Variants in IGFALS observed in about 807,000 individuals in gnomAD.
IGFALS encodes the protein insulin-like growth factor-binding protein complex acid labile subunit.
A neutral mutation model predicts 2.6 loss-of-function variants in IGFALS; 2 were observed. That is an observed-to-expected ratio of 0.77 (90% CI 0.32 to 2.44). The LOEUF (loss-of-function observed/expected upper bound fraction) is 2.44. Among genes scored for constraint, IGFALS ranks in the 30% most tolerant of loss-of-function variants. IGFALS has a pLI of 0.11. For missense variants in IGFALS, 996 were observed against 848.7 expected, an observed-to-expected ratio of 1.17 and a Z score of -2.16; for synonymous variants, 519 against 431.9, an observed-to-expected ratio of 1.20 and a Z score of -2.50.
Position 1,791,817 on chromosome 16 carries a change from G to T in IGFALS, c.601C>A (p.Leu201Met). The T allele has an allele frequency of 6.5e-7, 1 of 1,549,002 alleles. No individual in the cohort carries two copies. Residue 201 changes from leucine (L) to methionine (M), a missense_variant, in exon 2 of 2, where the codon CTG becomes ATG. Transcript: ENST00000215539. Reference sequence around the variant, plus strand: ...AGGTAGGCCAGCCTGTTGCCCGCCAGCACCAGCTCGCGCAGGCTGCCCAGG... The same window carrying T: ...AGGTAGGCCAGCCTGTTGCCCGCCATCACCAGCTCGCGCAGGCTGCCCAGG... ...RGLGSLRELV[L>M]AGNRLAYLQP...
Position 1,791,391 on chromosome 16 carries a change from G to A in IGFALS, c.1027C>T (p.Leu343Phe). 2 of 1,610,536 alleles carry A rather than the reference G, an allele frequency of 1.2e-6. No homozygotes were observed. Among genetic ancestry groups the A allele is most frequent in the Non-Finnish European group, 1.7e-6 (2 of 1,179,964 alleles). Residue 343 changes from leucine to phenylalanine, a missense_variant, in exon 2 of 2, where the codon CTC becomes TTC. By Grantham distance (22) the Leu-to-Phe change is conservative. Coordinates refer to ENST00000215539, the MANE Select transcript of IGFALS (RefSeq NM_004970.3). ...TGGAGCTGGTTGTGGTCTAGCGTGAGCACCTCAAGCTGCCCCAGGCCCTCA... is the reference window on the plus strand; with the variant it reads ...TGGAGCTGGTTGTGGTCTAGCGTGAACACCTCAAGCTGCCCCAGGCCCTCA... ...SFEGLGQLEV[L>F]TLDHNQLQEV...
Position 1,791,644 on chromosome 16 carries a change from G to C in IGFALS, c.774C>G (p.Ala258=), listed in dbSNP as rs1456336492. 6.3e-7 allele frequency: 1 copy of C among 1,579,896 alleles called. No homozygotes were observed. Among genetic ancestry groups the C allele is most frequent in the Non-Finnish European group, 8.6e-7 (1 of 1,165,626 alleles). The change falls in exon 2 of 2, where the codon GCC becomes GCG. Residue 258 remains alanine (A), a synonymous_variant. Coordinates refer to ENST00000215539, the MANE Select transcript of IGFALS (RefSeq NM_004970.3). Reference sequence around the variant, plus strand: ...CCTTCAGGCCCAGGAAGGCGCCCGGGGCCACGGCAGCGATGAGGTTGCGGT... The same window carrying C: ...CCTTCAGGCCCAGGAAGGCGCCCGGCGCCACGGCAGCGATGAGGTTGCGGT... ...YLDRNLIAAV[A]PGAFLGLKAL... is the part of the protein sequence containing the mutation.
At chr16:1,793,806 G>A (rs971333708), upstream of IGFALS, 20 of 671,382 alleles carry the variant, frequency 3.0e-5, no homozygotes, top group Non-Finnish European at 4.6e-5. Context: ...TAACCCCCTC[G>A]TGCCGGGCGG....
chr16:1,790,693 C>T lies in IGFALS; in HGVS notation c.1725G>A (p.Ala575=), dbSNP rs138453673. The change falls in exon 2 of 2, where the codon GCG becomes GCA. Residue 575 remains alanine, a synonymous_variant. Transcript: ENST00000215539. ...ICEGDDCQPP[A]YTYNNITCAS... ...CACAGGTGATGTTGTTGTAGGTGTA[C>T]GCGGGCGGCTGGCAATCGTCCCCCT... The T allele has an allele frequency of 1.9e-5, 30 of 1,607,614 alleles. No individual in the cohort carries two copies. In the Admixed American group the frequency reaches 3.2e-4, roughly 17 times the overall value.
At chr16:1,794,342 G>A (rs1897290726), upstream of IGFALS, among the ~76,000 whole-genome samples, 1 of 152,220 alleles carries the variant, frequency 6.6e-6, no homozygotes, top group Non-Finnish European at 1.5e-5. Flanking sequence ...TGGCAGGGCT[G>A]CAGGCGCCTG....
rs759331045 is a variant in IGFALS at position 1,792,271 on chromosome 16, G to A, written c.147C>T (p.Tyr49=). Reference sequence around the variant, plus strand: ...CGCTGAGCTCATCCGCGTCGTCATCGTAGCTGCAGACACAGGCGGCCGGGC... The same window carrying A: ...CGCTGAGCTCATCCGCGTCGTCATCATAGCTGCAGACACAGGCGGCCGGGC... The part of the protein sequence containing the change: ...PACPAACVCS[Y]DDDADELSVF... Residue 49 remains tyrosine (Y), a synonymous_variant, in exon 2 of 2, where the codon TAC becomes TAT. Coordinates refer to ENST00000215539, the MANE Select transcript of IGFALS (RefSeq NM_004970.3). The A allele has an allele frequency of 1.2e-5, 19 of 1,600,690 alleles. No individual in the cohort carries two copies. Among genetic ancestry groups the A allele is most frequent in the Middle Eastern group, 1.6e-4 (1 of 6,070 alleles).
At position 1,791,575 on chromosome 16, in the gene IGFALS, G is replaced by A; in HGVS notation, c.843C>T (p.Leu281=). Residue 281 remains leucine, a synonymous_variant, in exon 2 of 2, where the codon CTC becomes CTT. Transcript: ENST00000215539. ...LDLSHNRVAG[L]LEDTFPGLLG... ...GCAGACCGGGGAACGTGTCCTCCAG[G>A]AGGCCAGCCACGCGGTTGTGGGACA... is the stretch of plus-strand genomic sequence containing the variant. The A allele has an allele frequency of 6.4e-7, 1 of 1,564,400 alleles. No individual in the cohort carries two copies.
In IGFALS at chr16:1,790,738, G is replaced by T. The variant is rs1304876401; in HGVS notation, c.1680C>A (p.Arg560=). ...FALQNPSAVP[R]FVQAICEGDD... ...CCCCCTCACAGATGGCCTGGACGAA[G>T]CGGGGCACAGCACTGGGGTTCTGCA... The change falls in exon 2 of 2, where the codon CGC becomes CGA. Residue 560 remains arginine (R), a synonymous_variant. Coordinates refer to ENST00000215539, the MANE Select transcript of IGFALS (RefSeq NM_004970.3). 1.9e-6 allele frequency: 3 copies of T among 1,605,164 alleles called. 1 individual carries two copies. The highest frequency in any genetic ancestry group is 3.3e-4 in the Middle Eastern group (2 of 6,048).
chr16:1,792,133 C>T lies in IGFALS; in HGVS notation c.285G>A (p.Gln95=), dbSNP rs1897243700. The T allele has an allele frequency of 1.2e-6, 2 of 1,611,536 alleles. No individual in the cohort carries two copies. The highest frequency in any genetic ancestry group is 4.5e-5 in the East Asian group (2 of 44,818). The part of the protein sequence containing the change: ...NLSSVPPAAF[Q]NLSSLGFLNL... ...TGAGGAAGCCCAGGCTGGAGAGGTT[C>T]TGGAAGGCTGCCGGGGGGACGGACG... The change falls in exon 2 of 2, where the codon CAG becomes CAA. Residue 95 remains glutamine (Q), a synonymous_variant. Transcript: ENST00000215539.
chr16:1,794,846 GC>G, upstream of IGFALS: 1 of 702,300 alleles, frequency 1.4e-6, no homozygotes, highest in Non-Finnish European at 2.6e-6. Flanking sequence ...CACCTGGCAG[GC>G]CCCGTGCAGA....
At chr16:1,793,317 G>A (rs1897272562) in intron 1 of IGFALS, among the ~76,000 whole-genome samples, 1 of 152,046 alleles carries the variant, frequency 6.6e-6, no homozygotes, top group South Asian at 2.1e-4. Context: ...GGCCCACAAC[G>A]CGGGCCGTGC....
In IGFALS at chr16:1,791,264, AG is replaced by A. The variant is rs1187580877; in HGVS notation, c.1153del (p.Leu385TrpfsTer57). The A allele has an allele frequency of 6.2e-7, 1 of 1,609,186 alleles. No individual in the cohort carries two copies. Among genetic ancestry groups the A allele is most frequent in the Non-Finnish European group, 8.5e-7 (1 of 1,179,904 alleles). ...RNLPEQVFRG[L>X]GKLHSLHLEG... ...CAGGTGCAGGCTGTGCAGCTTGCCC[AG>A]GCCCCGGAACACCTGCTCCGGAAGG... On this transcript the variant is annotated frameshift_variant, in exon 2 of 2. Transcript: ENST00000215539. LOFTEE classifies it low-confidence loss of function (END_TRUNC).
At chr16:1,794,838 C>T, upstream of IGFALS, 1 of 702,268 alleles carries the variant, frequency 1.4e-6, no homozygotes, top group Non-Finnish European at 2.6e-6. Flanking sequence ...TCCGGCCTCA[C>T]CTGGCAGGCC....
rs1269964556 is a variant in IGFALS at position 1,791,839 on chromosome 16, C to G, written c.579G>C (p.Leu193=). 2 of 1,550,870 alleles carry G rather than the reference C, an allele frequency of 1.3e-6. No individual in the cohort carries two copies. The highest frequency in any genetic ancestry group is 2.7e-5 in the African/African-American group (2 of 73,278). Reference sequence around the variant, plus strand: ...CCAGCACCAGCTCGCGCAGGCTGCCCAGGCCGCGGAACGCCGCATCGGGGA... The same window carrying G: ...CCAGCACCAGCTCGCGCAGGCTGCCGAGGCCGCGGAACGCCGCATCGGGGA... ...AVLPDAAFRG[L]GSLRELVLAG... is the part of the protein sequence containing the mutation. The change falls in exon 2 of 2, where the codon CTG becomes CTC. Residue 193 remains leucine (L), a synonymous_variant. Coordinates refer to ENST00000215539, the MANE Select transcript of IGFALS (RefSeq NM_004970.3).
At chr16:1,792,859 C>T (rs1897265274) in intron 1 of IGFALS, among the ~76,000 whole-genome samples, 1 of 152,258 alleles carries the variant, frequency 6.6e-6, no homozygotes, top group Admixed American at 6.5e-5. Context: ...CCCTCAGAGG[C>T]TGGACAGGGA....
chr16:1,793,925 C>T (rs1897284832), upstream of IGFALS, among the ~76,000 whole-genome samples: 1 of 152,250 alleles, frequency 6.6e-6, no homozygotes, highest in South Asian at 2.1e-4. Context: ...GGCCAGTGCC[C>T]GGGCCCCCTG....
upstream of IGFALS, chr16:1,793,791 T>A: frequency 2.5e-6 from 2 of 799,816 alleles, no homozygotes; most frequent in Admixed American, 2.3e-5. Flanking sequence ...TGGCCCTGGC[T>A]CTGTTAACCC....
In IGFALS at chr16:1,792,448, C is replaced by T. The variant is rs770367091; in HGVS notation, c.17-47G>A. 11 of 1,497,354 alleles carry T rather than the reference C, an allele frequency of 7.3e-6. No homozygotes were observed. In the East Asian group the frequency reaches 9.3e-5, roughly 13 times the overall value. 92.8% of individuals were successfully genotyped at this position (1,497,354 alleles called of 1,614,324 possible). ...GAGGCGGCCCGAGGAGGGCTCTGCCCGAGTGAGCCTGATACCAGCACAGCC... is the reference window on the plus strand; with the variant it reads ...GAGGCGGCCCGAGGAGGGCTCTGCCTGAGTGAGCCTGATACCAGCACAGCC... On this transcript the variant is annotated intron_variant, in intron 1 of 1. Coordinates refer to ENST00000215539, the MANE Select transcript of IGFALS (RefSeq NM_004970.3).
At position 1,792,115 on chromosome 16, in the gene IGFALS, G is replaced by A. The variant is rs779606271; in HGVS notation, c.303C>T (p.Gly101=). The change falls in exon 2 of 2, where the codon GGC becomes GGT. Residue 101 remains glycine, a synonymous_variant. Transcript: ENST00000215539. ...GCTGGCCGCCCTGCAGGTTGAGGAA[G>A]CCCAGGCTGGAGAGGTTCTGGAAGG... The part of the protein sequence containing the change: ...PAAFQNLSSL[G]FLNLQGGQLG... 1.9e-6 allele frequency: 3 copies of A among 1,611,156 alleles called. No individual in the cohort carries two copies.
Sources: gnomAD v4.1 joint callset for allele counts (sites outside exome capture counted in the v4.1 genomes callset) on GRCh38, gnomAD v4.1.1 for gene constraint, MANE v1.5 for transcripts, NCBI Gene and HGNC (gene_info 2026-07-23, HGNC 2026-07-21) for gene names.